The following TCF12 variants were observed in gnomAD, a reference collection of about 807,000 sequenced individuals.
TCF12 encodes the protein DNA-binding protein HTF4.
A neutral mutation model predicts 86.0 loss-of-function variants in TCF12; 45 were observed. The observed-to-expected ratio is 0.52, with a 90% confidence interval of 0.41 to 0.67. The LOEUF (loss-of-function observed/expected upper bound fraction) is 0.67, where lower values mean the gene tolerates loss of function less well. Ranked by LOEUF, TCF12 falls within the 30% of genes least tolerant of loss-of-function variation. TCF12 has a pLI of 0.00. For missense variants in TCF12, 881 were observed against 859.9 expected, an observed-to-expected ratio of 1.02 and a Z score of -0.31; for synonymous variants, 330 against 299.6, an observed-to-expected ratio of 1.10 and a Z score of -1.05.
intron 5 of TCF12, among the ~76,000 whole-genome samples, chr15:57,108,328 G>A (rs866922462): frequency 4.6e-5 from 7 of 151,940 alleles, no homozygotes; most frequent in African/African-American, 9.7e-5. Context: ...TCTTCTCCCC[G>A]TACCCCCAAC....
chr15:57,124,340 A>T (rs2051473059), intron 5 of TCF12, among the ~76,000 whole-genome samples: 1 of 152,186 alleles, frequency 6.6e-6, no homozygotes, highest in Non-Finnish European at 1.5e-5. Flanking sequence ...TAAATAGTAC[A>T]GCTATGACAA....
intron 3 of TCF12, among the ~76,000 whole-genome samples, chr15:56,992,524 G>T (rs2063505670): frequency 6.6e-6 from 1 of 152,150 alleles, no homozygotes; most frequent in African/African-American, 2.4e-5. Context: ...GTTGAATGGT[G>T]ATTCTTACCT....
intron 5 of TCF12, among the ~76,000 whole-genome samples, chr15:57,127,097 C>G (rs1461147922): frequency 6.6e-6 from 1 of 151,654 alleles, no homozygotes; most frequent in Non-Finnish European, 1.5e-5. Context: ...ATTCTCCTCC[C>G]TTAGCCTCCT....
At chr15:57,269,220 T>C (rs1461808123) in intron 18 of TCF12, among the ~76,000 whole-genome samples, 1 of 152,116 alleles carries the variant, frequency 6.6e-6, no homozygotes, top group African/African-American at 2.4e-5. Flanking sequence ...GTATTGGGTG[T>C]GTATATATTT....
At chr15:57,280,753 A>G (rs977144240) in intron 19 of TCF12, among the ~76,000 whole-genome samples, 1 of 152,204 alleles carries the variant, frequency 6.6e-6, no homozygotes, top group Non-Finnish European at 1.5e-5. Context: ...GGGGAGCTGT[A>G]CTAATGGTAT....
intron 3 of TCF12, among the ~76,000 whole-genome samples, chr15:57,035,112 A>AC (rs2066425144): frequency 1.3e-5 from 2 of 152,034 alleles, no homozygotes; most frequent in South Asian, 4.2e-4. Flanking sequence ...TATTCTTACA[A>AC]CCCCCCAATG....
chr15:57,173,944 G>T (rs1006983188), intron 6 of TCF12, among the ~76,000 whole-genome samples: 7 of 151,978 alleles, frequency 4.6e-5, no homozygotes, highest in Admixed American at 1.3e-4. Flanking sequence ...CTGACCTTGT[G>T]ATCCCCCCGC....
At position 57,252,294 on chromosome 15, in the gene TCF12, A is replaced by T. The variant is rs1429752177; in HGVS notation, c.1189-127A>T. 9.3e-6 allele frequency: 6 copies of T among 644,640 alleles called. 1 individual carries two copies. The highest frequency in any genetic ancestry group is 2.5e-4 in the Middle Eastern group (1 of 3,968). The allele number at this position is 644,640 out of a possible 1,614,324, so 39.9% of individuals were successfully genotyped here. ...GCCTTTTCATATCTTAATAAAATAG[A>T]TCTCGCAAGTCTTGGCGTTAACTTT... On this transcript the variant is annotated intron_variant, in intron 14 of 20. Coordinates refer to ENST00000333725, the MANE Select transcript of TCF12 (RefSeq NM_207037.2).
intron 12 of TCF12, among the ~76,000 whole-genome samples, chr15:57,237,514 C>A (rs972039489): frequency 6.6e-6 from 1 of 152,024 alleles, no homozygotes; most frequent in African/African-American, 2.4e-5. Flanking sequence ...GGCATATTAC[C>A]GTTTAAGCCT....
At chr15:56,982,368 A>T (rs2062935589) in intron 3 of TCF12, among the ~76,000 whole-genome samples, 2 of 152,212 alleles carry the variant, frequency 1.3e-5, no homozygotes, top group African/African-American at 4.8e-5. Flanking sequence ...GAGAATTCTT[A>T]CGCTTTTTAA....
At chr15:57,224,049 A>G (rs984873836) in intron 8 of TCF12, among the ~76,000 whole-genome samples, 8 of 152,050 alleles carry the variant, frequency 5.3e-5, no homozygotes, top group African/African-American at 1.7e-4. Context: ...TGAGCCCAAG[A>G]AAGTTTTCTT....
chr15:57,025,836 T>C (rs2065793760), intron 3 of TCF12, among the ~76,000 whole-genome samples: 1 of 152,206 alleles, frequency 6.6e-6, no homozygotes, highest in Admixed American at 6.5e-5. Context: ...GAATCATAGA[T>C]GGTAGTGGTT....
intron 8 of TCF12, among the ~76,000 whole-genome samples, chr15:57,201,400 A>G (rs757360649): frequency 4.6e-5 from 7 of 152,186 alleles, no homozygotes; most frequent in Admixed American, 1.3e-4. Context: ...GTCTGGAAAG[A>G]TGCGTAGCAG....
chr15:57,252,233 T>G (rs1311661018), intron 14 of TCF12, 188 bp from the exon 15 acceptor site: 5 of 529,148 alleles, frequency 9.4e-6, no homozygotes, highest in Admixed American at 3.6e-5. Context: ...GTGTGCTGTT[T>G]AGATGCTAAC....
At chr15:57,100,871 G>A (rs2049692133) in intron 5 of TCF12, among the ~76,000 whole-genome samples, 2 of 152,226 alleles carry the variant, frequency 1.3e-5, no homozygotes, top group South Asian at 4.1e-4. Flanking sequence ...ATACTGAATT[G>A]CTTTGGTTTA....
chr15:57,087,470 T>C (rs2048728266), intron 4 of TCF12, among the ~76,000 whole-genome samples: 2 of 151,238 alleles, frequency 1.3e-5, no homozygotes, highest in South Asian at 4.2e-4. Context: ...TTAGTTTAAA[T>C]ATGGAAGCTG....
At chr15:56,970,736 G>A (rs2062265993) in intron 3 of TCF12, among the ~76,000 whole-genome samples, 1 of 151,790 alleles carries the variant, frequency 6.6e-6, no homozygotes, top group South Asian at 2.1e-4. Flanking sequence ...TAATTACAAA[G>A]TCAAAAGACA....
chr15:57,215,755 T>G (rs1257620448), intron 8 of TCF12, among the ~76,000 whole-genome samples: 1 of 152,168 alleles, frequency 6.6e-6, no homozygotes, highest in Non-Finnish European at 1.5e-5. Context: ...TGTGTTACCT[T>G]TAGAAACATT....
intron 3 of TCF12, among the ~76,000 whole-genome samples, chr15:57,040,249 G>T (rs961543517): frequency 4.6e-5 from 7 of 152,064 alleles, no homozygotes; most frequent in African/African-American, 1.7e-4. Flanking sequence ...TTAATTTATC[G>T]TTCAATCTAG....
Sources: allele counts gnomAD v4.1 joint callset (sites outside exome capture counted in the v4.1 genomes callset), GRCh38; gene constraint gnomAD v4.1.1; transcripts MANE v1.5; gene names NCBI Gene and HGNC (gene_info 2026-07-23, HGNC 2026-07-21).